ZFHX3: variants seen among roughly 807,000 people sequenced by gnomAD.
The protein encoded by ZFHX3 is zinc finger homeobox 3.
ZFHX3 carries 42 observed loss-of-function variants against 279.1 expected under a neutral mutation model. The ratio of observed to expected loss-of-function variants is 0.15; its 90% CI spans 0.12 to 0.19. ZFHX3 has a LOEUF of 0.19. Among genes scored for constraint, ZFHX3 ranks in the 10% least tolerant of loss-of-function variants. The pLI is 1.00. For missense variants in ZFHX3, 4,981 were observed against 4,754.0 expected (o/e 1.05, Z -1.40); for synonymous variants, 2,293 against 1,957.8 (o/e 1.17, Z -4.52).
At chr16:73,332,697 C>G (rs916277579) in intron 3 of ZFHX3, among the ~76,000 whole-genome samples, 3 of 152,174 alleles carry the variant, frequency 2.0e-5, no homozygotes, top group Non-Finnish European at 2.9e-5. Flanking sequence ...GGGACTAATT[C>G]AAACCACGAA....
chr16:72,901,123 T>G (rs563217133), intron 3 of ZFHX3, among the ~76,000 whole-genome samples: 2 of 152,158 alleles, frequency 1.3e-5, no homozygotes, highest in Non-Finnish European at 2.9e-5. Context: ...CTTTCACACC[T>G]GCACTCGAAA....
intron 3 of ZFHX3, chr16:73,389,073 T>G (rs1028504199): frequency 2.0e-5 from 3 of 152,198 alleles, no homozygotes; most frequent in South Asian, 2.1e-4. Context: ...GACGCGCATA[T>G]GTATATTGTA....
intron 2 of ZFHX3, among the ~76,000 whole-genome samples, chr16:73,606,347 G>A (rs567487609): frequency 1.3e-5 from 2 of 151,844 alleles, no homozygotes; most frequent in South Asian, 2.1e-4. Context: ...TTAGCCAGGC[G>A]TGGTGGTGCG....
chr16:72,935,204 T>G (rs1960052166), intron 3 of ZFHX3, among the ~76,000 whole-genome samples: 1 of 152,184 alleles, frequency 6.6e-6, no homozygotes, highest in Non-Finnish European at 1.5e-5. Context: ...CAAGGACGTG[T>G]GGCTTGTACA....
At chr16:72,989,830 CAG>C (rs1963006476) in intron 1 of ZFHX3, among the ~76,000 whole-genome samples, 1 of 152,160 alleles carries the variant, frequency 6.6e-6, no homozygotes, top group Non-Finnish European at 1.5e-5. Flanking sequence ...TATGCGGACG[CAG>C]AGTTATATGT....
At chr16:73,544,706 G>A (rs557780501) in intron 2 of ZFHX3, among the ~76,000 whole-genome samples, 1 of 152,266 alleles carries the variant, frequency 6.6e-6, no homozygotes, top group Non-Finnish European at 1.5e-5. Flanking sequence ...GCAATCCAGG[G>A]AGTGAGACGG....
chr16:73,469,195 G>A (rs2018621061), intron 2 of ZFHX3, among the ~76,000 whole-genome samples: 1 of 152,178 alleles, frequency 6.6e-6, no homozygotes, highest in Non-Finnish European at 1.5e-5. Context: ...CTGCTGGAGA[G>A]CCAAGAAATC....
chr16:73,154,080 G>A (rs1292692089), intron 5 of ZFHX3, among the ~76,000 whole-genome samples: 3 of 152,134 alleles, frequency 2.0e-5, no homozygotes, highest in South Asian at 2.1e-4. Context: ...GGGTGAAGGC[G>A]ACCATTGCGA....
At chr16:73,111,981 A>G (rs532767506) in intron 7 of ZFHX3, among the ~76,000 whole-genome samples, 3 of 151,898 alleles carry the variant, frequency 2.0e-5, no homozygotes, top group Non-Finnish European at 4.4e-5. Flanking sequence ...CTCTACCAAG[A>G]ATCGCTTTAG....
chr16:73,189,948 A>AT (rs1440425115), intron 5 of ZFHX3, among the ~76,000 whole-genome samples: 1 of 152,118 alleles, frequency 6.6e-6, no homozygotes, highest in Non-Finnish European at 1.5e-5. Flanking sequence ...TAAAAAAAAA[A>AT]TTAAAAACTA....
exon 3 of ZFHX3, chr16:73,456,181 C>T (rs1018534487): frequency 2.0e-5 from 3 of 152,150 alleles, no homozygotes; most frequent in Non-Finnish European, 4.4e-5. Context: ...CGCAATCTCT[C>T]ATATGTTCAT....
chr16:73,003,350 C>T (rs1163888017), intron 1 of ZFHX3, among the ~76,000 whole-genome samples: 3 of 151,492 alleles, frequency 2.0e-5, no homozygotes, highest in East Asian at 1.9e-4. Context: ...ACAAAGACTC[C>T]GCCCTTGTGA....
chr16:73,204,596 T>A (rs2011729688), intron 5 of ZFHX3, among the ~76,000 whole-genome samples: 1 of 152,156 alleles, frequency 6.6e-6, no homozygotes, highest in Non-Finnish European at 1.5e-5. Context: ...CACCTGCCAC[T>A]CACCTCCTGC....
chr16:73,176,130 A>G (rs978023348), intron 5 of ZFHX3, among the ~76,000 whole-genome samples: 20 of 152,080 alleles, frequency 1.3e-4, no homozygotes, highest in African/African-American at 4.3e-4. Flanking sequence ...AAACCTCTAA[A>G]CCATCTAGCA....
intron 3 of ZFHX3, among the ~76,000 whole-genome samples, chr16:72,915,640 G>A (rs1247924695): frequency 1.3e-5 from 2 of 152,130 alleles, no homozygotes; most frequent in African/African-American, 4.8e-5. Context: ...ATGCATGCCT[G>A]TGGTTCCAGC....
chr16:73,479,341 T>C (rs2018824885), intron 2 of ZFHX3, among the ~76,000 whole-genome samples: 1 of 152,234 alleles, frequency 6.6e-6, no homozygotes, highest in Non-Finnish European at 1.5e-5. Context: ...CAGGCTCTTC[T>C]GCCTCCACTC....
chr16:72,786,256 T>TC lies in ZFHX3; in HGVS notation c.*907dup, dbSNP rs1300041363. ...TACACAAAAGGTTTTTTTTTTTTTT[T>TC]CCTTTTAAATCTACCATACTGCTTC... On this transcript the variant is annotated 3_prime_UTR_variant, in exon 10 of 10. Transcript: ENST00000268489. The TC allele has an allele frequency of 1.3e-5, 2 of 152,106 alleles. No individual in the cohort carries two copies. The highest frequency in any genetic ancestry group is 2.1e-4 in the South Asian group (1 of 4,818). 9.4% of individuals were successfully genotyped at this position (152,106 alleles called of 1,614,324 possible).
chr16:73,740,812 G>T (rs1174082309), intron 1 of ZFHX3, among the ~76,000 whole-genome samples: 1 of 152,098 alleles, frequency 6.6e-6, no homozygotes, highest in Non-Finnish European at 1.5e-5. Flanking sequence ...CCTTCCATCA[G>T]GGGCTTCTCA....
chr16:73,561,522 C>T (rs1408350594), intron 2 of ZFHX3, among the ~76,000 whole-genome samples: 1 of 152,090 alleles, frequency 6.6e-6, no homozygotes, highest in Non-Finnish European at 1.5e-5. Context: ...AAATGCTCCA[C>T]CATATTTTGC....
Sources: allele counts gnomAD v4.1 joint callset (sites outside exome capture counted in the v4.1 genomes callset), GRCh38; gene constraint gnomAD v4.1.1; transcripts MANE v1.5; gene names NCBI Gene and HGNC (gene_info 2026-07-23, HGNC 2026-07-21).